Variants in PTPRD observed in about 807,000 individuals in gnomAD.
PTPRD encodes the protein protein tyrosine phosphatase receptor type D, also known as receptor-type tyrosine-protein phosphatase delta.
A neutral mutation model predicts 214.5 loss-of-function variants in PTPRD; 34 were observed. That is an observed-to-expected ratio of 0.16 (90% CI 0.12 to 0.21). The LOEUF (loss-of-function observed/expected upper bound fraction) is 0.21, where lower values mean the gene tolerates loss of function less well. Among genes scored for constraint, PTPRD ranks in the 10% least tolerant of loss-of-function variants. The pLI is 1.00. For missense variants in PTPRD, 2,545 were observed against 2,398.7 expected (o/e 1.06, Z -1.27); for synonymous variants, 1,128 against 845.7 (o/e 1.33, Z -5.79).
chr9:8,870,207 G>A (rs1452379387), intron 11 of PTPRD, among the ~76,000 whole-genome samples: 1 of 149,226 alleles, frequency 6.7e-6, no homozygotes, highest in African/African-American at 2.5e-5. Context: ...TATTAGAACA[G>A]CATAATAGCT....
chr9:10,463,620 G>GT (rs147369483), intron 2 of PTPRD, among the ~76,000 whole-genome samples: 5,265 of 151,214 alleles, frequency 0.035, 277 homozygotes, highest in African/African-American at 0.11. Context: ...GAAAAAGAGG[G>GT]TTTTTTTTTC....
intron 9 of PTPRD, among the ~76,000 whole-genome samples, chr9:9,192,584 C>T (rs993275076): frequency 6.6e-6 from 1 of 152,082 alleles, no homozygotes; most frequent in African/African-American, 2.4e-5. Flanking sequence ...GACTCTGTCT[C>T]AGAGGGCTTT....
chr9:10,091,777 T>C (rs1007734254), intron 3 of PTPRD, among the ~76,000 whole-genome samples: 1 of 51,432 alleles, frequency 1.9e-5, no homozygotes, highest in African/African-American at 1.2e-4. Context: ...AGAATATGTA[T>C]CTCATTTTTC....
chr9:8,503,959 T>C (rs944899642), intron 23 of PTPRD, among the ~76,000 whole-genome samples: 1 of 152,228 alleles, frequency 6.6e-6, no homozygotes, highest in Non-Finnish European at 1.5e-5. Context: ...CTTTAAAGAC[T>C]TGTAATTCAT....
intron 11 of PTPRD, among the ~76,000 whole-genome samples, chr9:8,998,890 A>G (rs531187781): frequency 6.6e-6 from 1 of 152,190 alleles, no homozygotes; most frequent in East Asian, 1.9e-4. Flanking sequence ...TGAGAGGTTC[A>G]AGACTTCAGT....
chr9:9,097,306 A>C lies in PTPRD; in HGVS notation c.-142-78571T>G, dbSNP rs903192471. Among the ~76,000 whole-genome samples the C allele has an allele frequency of 1.4e-4, 22 of 152,166 alleles. 1 individual carries two copies. The highest frequency in any genetic ancestry group is 5.3e-4 in the African/African-American group (22 of 41,448). ...GGAGATTCTGGTTGGGGCCTAAAGC[A>C]AAGGTTTTTGGGGTACTAAACCTCA... On this transcript the variant is annotated intron_variant, in intron 10 of 45. Coordinates refer to ENST00000381196, the MANE Select transcript of PTPRD (RefSeq NM_002839.4).
chr9:9,290,079 T>C (rs773701274), intron 9 of PTPRD, among the ~76,000 whole-genome samples: 1 of 151,692 alleles, frequency 6.6e-6, no homozygotes, highest in African/African-American at 2.4e-5. Flanking sequence ...CCACCAATGG[T>C]ATACAAGGGT....
intron 3 of PTPRD, among the ~76,000 whole-genome samples, chr9:10,043,172 A>G (rs926320374): frequency 8.6e-5 from 13 of 151,998 alleles, no homozygotes; most frequent in Non-Finnish European, 1.5e-4. Flanking sequence ...TTGTGAATTA[A>G]AAATACAAAT....
intron 10 of PTPRD, among the ~76,000 whole-genome samples, chr9:9,167,479 G>T (rs2099906498): frequency 6.6e-6 from 1 of 151,968 alleles, no homozygotes; most frequent in Non-Finnish European, 1.5e-5. Flanking sequence ...GGAGGGCTGG[G>T]CATGGTGGCT....
At chr9:9,980,134 C>T (rs1304799388) in intron 4 of PTPRD, among the ~76,000 whole-genome samples, 1 of 151,916 alleles carries the variant, frequency 6.6e-6, no homozygotes, top group Non-Finnish European at 1.5e-5. Context: ...CAAAATTAAG[C>T]ATTCTTTTCA....
chr9:10,022,790 C>G (rs2096849470), intron 4 of PTPRD, among the ~76,000 whole-genome samples: 1 of 152,002 alleles, frequency 6.6e-6, no homozygotes, highest in South Asian at 2.1e-4. Flanking sequence ...TGCTGAATTC[C>G]CATTTTAAAA....
At chr9:9,802,896 G>A (rs2099050603) in intron 5 of PTPRD, among the ~76,000 whole-genome samples, 1 of 151,516 alleles carries the variant, frequency 6.6e-6, no homozygotes, top group Non-Finnish European at 1.5e-5. Context: ...CACTAATAAT[G>A]CATATAATTT....
intron 8 of PTPRD, among the ~76,000 whole-genome samples, chr9:9,435,416 C>T (rs2084847641): frequency 9.9e-6 from 1 of 101,138 alleles, no homozygotes; most frequent in African/African-American, 4.5e-5. Flanking sequence ...CCCAGCTACT[C>T]AGGAGGATCC....
chr9:8,788,277 T>G (rs11793028), intron 11 of PTPRD, among the ~76,000 whole-genome samples: 2,526 of 58,308 alleles, frequency 0.043, 99 homozygotes, highest in East Asian at 0.14. Context: ...TTTTTTTTTT[T>G]TGTGTGTGTG....
chr9:8,680,547 ATACC>A (rs1240860185), intron 12 of PTPRD, among the ~76,000 whole-genome samples: 1 of 152,194 alleles, frequency 6.6e-6, no homozygotes, highest in Non-Finnish European at 1.5e-5. Context: ...TTTTATATTT[ATACC>A]TATCTCTACA....
chr9:8,794,419 C>G (rs2096343811), intron 11 of PTPRD, among the ~76,000 whole-genome samples: 1 of 151,894 alleles, frequency 6.6e-6, no homozygotes, highest in East Asian at 1.9e-4. Context: ...CTATATCACA[C>G]TACTTTGAAA....
At chr9:9,660,653 A>G (rs1431786410) in intron 7 of PTPRD, among the ~76,000 whole-genome samples, 1 of 152,024 alleles carries the variant, frequency 6.6e-6, no homozygotes, top group East Asian at 1.9e-4. Context: ...TGTCTCACCA[A>G]TGATGATCAC....
chr9:9,842,333 C>T (rs997556992), intron 5 of PTPRD, among the ~76,000 whole-genome samples: 1 of 110,380 alleles, frequency 9.1e-6, no homozygotes, highest in African/African-American at 3.3e-5. Context: ...GTCATGGACA[C>T]CAAGAAGGAA....
chr9:8,329,815 TA>T (rs1563971657), intron 44 of PTPRD, among the ~76,000 whole-genome samples: 1 of 151,862 alleles, frequency 6.6e-6, no homozygotes, highest in Non-Finnish European at 1.5e-5. Flanking sequence ...ACTGTGAGGG[TA>T]AAACAAACAG....
Sources: allele counts gnomAD v4.1 joint callset (sites outside exome capture counted in the v4.1 genomes callset), GRCh38; gene constraint gnomAD v4.1.1; transcripts MANE v1.5; gene names NCBI Gene and HGNC (gene_info 2026-07-23, HGNC 2026-07-21).